Variants in WDR33 observed in about 807,000 individuals in gnomAD.
WDR33 encodes the protein WD repeat domain 33.
A neutral mutation model predicts 164.9 loss-of-function variants in WDR33; 47 were observed. The observed-to-expected ratio is 0.29, with a 90% CI of 0.23 to 0.36. The LOEUF (loss-of-function observed/expected upper bound fraction) is 0.36. Ranked by LOEUF, WDR33 falls within the 10% of genes least tolerant of loss-of-function variation. The pLI, the probability that WDR33 is intolerant of heterozygous loss-of-function variation, is 1.00. For missense variants in WDR33, 1,137 were observed against 1,754.1 expected (o/e 0.65, Z 6.28); for synonymous variants, 505 against 589.0 (o/e 0.86, Z 2.06).
At position 127,722,936 on chromosome 2, in the gene WDR33, G is replaced by A. The variant is rs766022453; in HGVS notation, c.1378+22C>T. On this transcript the variant is annotated intron_variant, in intron 13 of 21. Coordinates refer to ENST00000322313, the MANE Select transcript of WDR33 (RefSeq NM_018383.5). This position sits in a 1 kb window ranked among gnomAD's most constrained non-coding sequence, Gnocchi z 5.1. ...AAGAAAAAATTTGTAAAAATTAAATGTGTCTGTGTAACTTCTCTTACCCAT... is the reference window on the plus strand; with the variant it reads ...AAGAAAAAATTTGTAAAAATTAAATATGTCTGTGTAACTTCTCTTACCCAT... 6.3e-7 allele frequency: 1 copy of A among 1,580,142 alleles called. No individual in the cohort carries two copies. The highest frequency in any genetic ancestry group is 8.6e-7 in the Non-Finnish European group (1 of 1,167,526).
Position 127,769,005 on chromosome 2 carries a change from T to TAAAA in WDR33, c.205-5_205-4insTTTT. ...GGTCTCTTTGCCATATTCTGTTCTGTTAAATAAATAAATAAATAAATAAAT... is the reference window on the plus strand; with the variant it reads ...GGTCTCTTTGCCATATTCTGTTCTGTAAAATAAATAAATAAATAAATAAATAAAT... On this transcript the variant is annotated splice_region_variant and splice_polypyrimidine_tract_variant and intron_variant, in intron 2 of 21. Transcript: ENST00000322313. 1.1e-6 allele frequency: 1 copy of TAAAA among 911,376 alleles called. No individual in the cohort carries two copies. The highest frequency in any genetic ancestry group is 2.4e-5 in the South Asian group (1 of 41,180). 56.5% of individuals were successfully genotyped at this position (911,376 alleles called of 1,614,324 possible).
chr2:127,707,890 G>T (rs1239720229), intron 21 of WDR33, among the ~76,000 whole-genome samples: 2 of 152,134 alleles, frequency 1.3e-5, no homozygotes, highest in African/African-American at 4.8e-5. Flanking sequence ...GGGAGGCGGG[G>T]GTTGCTTGCA....
chr2:127,796,030 AT>A (rs1276460051), intron 1 of WDR33, among the ~76,000 whole-genome samples: 1 of 151,844 alleles, frequency 6.6e-6, no homozygotes, highest in Non-Finnish European at 1.5e-5. Flanking sequence ...ACCTAGGTAA[AT>A]TAGGTAAATA....
intron 7 of WDR33, among the ~76,000 whole-genome samples, chr2:127,750,033 G>T (rs1199352795): frequency 4.0e-5 from 6 of 151,592 alleles, no homozygotes; most frequent in Non-Finnish European, 8.8e-5. Context: ...AGGCATTTGT[G>T]GGGAGGGAGG....
chr2:127,747,999 C>T (rs1254577434), intron 7 of WDR33, among the ~76,000 whole-genome samples: 1 of 152,186 alleles, frequency 6.6e-6, no homozygotes, highest in Non-Finnish European at 1.5e-5. Context: ...TGAGAAAAAA[C>T]TAGGTCACTG....
At chr2:127,760,258 T>A (rs777376906) in intron 7 of WDR33, among the ~76,000 whole-genome samples, 13 of 152,226 alleles carry the variant, frequency 8.5e-5, no homozygotes, top group Non-Finnish European at 1.6e-4. Flanking sequence ...AATAGAATTA[T>A]TTTGGATTTT....
In WDR33 at chr2:127,730,443, T is replaced by C. The variant is rs192909698; in HGVS notation, c.725-3666A>G. Among the ~76,000 whole-genome samples the C allele has an allele frequency of 2.8e-4, 42 of 151,390 alleles. No individual in the cohort carries two copies. In the East Asian group the frequency reaches 7.7e-3, roughly 28 times the overall value. On this transcript the variant is annotated intron_variant, in intron 7 of 21. Coordinates refer to ENST00000322313, the MANE Select transcript of WDR33 (RefSeq NM_018383.5). ...GAGGAATAAGACCAGAAGAAATTCA[T>C]CCTAATAATTTAAGTGGATTAAAAA...
At chr2:127,711,780 A>ATATATATATATATATATTTT in intron 18 of WDR33, among the ~76,000 whole-genome samples, 2 of 88,308 alleles carry the variant, frequency 2.3e-5, no homozygotes, top group African/African-American at 6.5e-5. Context: ...ATATATATAT[A>ATATATATATATATATATTTT]TTTTTTTTTT....
chr2:127,741,183 G>T lies in WDR33; in HGVS notation c.725-14406C>A, dbSNP rs901906462. Among the ~76,000 whole-genome samples the T allele has an allele frequency of 1.3e-5, 2 of 152,160 alleles. No homozygotes were observed. Among genetic ancestry groups the T allele is most frequent in the African/African-American group, 2.4e-5 (1 of 41,416 alleles). On this transcript the variant is annotated intron_variant, in intron 7 of 21. Coordinates refer to ENST00000322313, the MANE Select transcript of WDR33 (RefSeq NM_018383.5). The surrounding 1 kb of genome is among the most constrained non-coding windows in gnomAD (Gnocchi z 4.1). ...ATACAAAGCACATTTGTTACAAAAA[G>T]CACATTTCAGTCTGGGAAGAAACCC...
chr2:127,763,838 C>T lies in WDR33; in HGVS notation c.627-679G>A. 2 of 985,602 alleles carry T rather than the reference C, an allele frequency of 2.0e-6. No homozygotes were observed. Among genetic ancestry groups the T allele is most frequent in the Non-Finnish European group, 2.4e-6 (2 of 830,076 alleles). 61.1% of individuals were successfully genotyped at this position (985,602 alleles called of 1,614,324 possible). On this transcript the variant is annotated intron_variant, in intron 6 of 21. Transcript: ENST00000322313. This position sits in a 1 kb window ranked among gnomAD's most constrained non-coding sequence, Gnocchi z 4.5. ...AAAGATCATCAAGTTTCTCAACTAA[C>T]TCTAAAAACTCCCTTGAACTTTGGA...
rs888867236 is a variant in WDR33 at position 127,708,317 on chromosome 2, G to A, written c.3781+360C>T. On this transcript the variant is annotated intron_variant, in intron 21 of 21. Coordinates refer to ENST00000322313, the MANE Select transcript of WDR33 (RefSeq NM_018383.5). This position sits in a 1 kb window ranked among gnomAD's most constrained non-coding sequence, Gnocchi z 6.7. ...GCTAAAAAAACCAACAGACCACCCA[G>A]GAGAGGACAACTCTTCCCCTCCCAC... Among the ~76,000 whole-genome samples the A allele has an allele frequency of 6.6e-6, 1 of 152,200 alleles. No individual in the cohort carries two copies. Among genetic ancestry groups the A allele is most frequent in the African/African-American group, 2.4e-5 (1 of 41,442 alleles).
At chr2:127,758,679 T>A (rs1253553417) in intron 7 of WDR33, among the ~76,000 whole-genome samples, 1 of 152,162 alleles carries the variant, frequency 6.6e-6, no homozygotes, top group South Asian at 2.1e-4. Flanking sequence ...AAATATGATG[T>A]CTCTCAGTAA....
chr2:127,798,035 T>C (rs1177133942), intron 1 of WDR33, among the ~76,000 whole-genome samples: 1 of 151,908 alleles, frequency 6.6e-6, no homozygotes, highest in African/African-American at 2.4e-5. Context: ...AGAAAGCAGG[T>C]AGGAAATTTC....
At position 127,702,933 on chromosome 2, in the gene WDR33, C is replaced by T. The variant is rs781515873; in HGVS notation, c.*3390G>A. On this transcript the variant is annotated 3_prime_UTR_variant, in exon 22 of 22. Coordinates refer to ENST00000322313, the MANE Select transcript of WDR33 (RefSeq NM_018383.5). The stretch of plus-strand genomic sequence containing the variant: ...AATTCTAGATCCGGAATACCTGTAT[C>T]TGGTGGAAACCATGGATTTCTACAA... The T allele has an allele frequency of 1.2e-5, 2 of 167,062 alleles. No individual in the cohort carries two copies. The highest frequency in any genetic ancestry group is 6.5e-5 in the Admixed American group (1 of 15,288). 10.3% of individuals were successfully genotyped at this position (167,062 alleles called of 1,614,324 possible). A position where few individuals can be genotyped will look rare whatever the true frequency, so the allele number is the denominator to read the frequency against.
chr2:127,711,763 T>TAGATATAGATAGATAG (rs1480358329), intron 18 of WDR33, among the ~76,000 whole-genome samples: 5 of 84,648 alleles, frequency 5.9e-5, no homozygotes, highest in African/African-American at 4.6e-4. Context: ...TATATATATA[T>TAGATATAGATAGATAG]ATATATATAT....
intron 1 of WDR33, among the ~76,000 whole-genome samples, chr2:127,800,081 G>C (rs896491402): frequency 6.6e-5 from 10 of 152,160 alleles, no homozygotes; most frequent in African/African-American, 1.9e-4. Flanking sequence ...AAATTAGGTG[G>C]GAAAATAGTC....
intron 1 of WDR33, among the ~76,000 whole-genome samples, chr2:127,781,392 T>C (rs1688363634): frequency 6.6e-6 from 1 of 152,178 alleles, no homozygotes. Flanking sequence ...TTGATTATGG[T>C]GGCGAACACA....
chr2:127,792,899 G>A (rs942350325), intron 1 of WDR33, among the ~76,000 whole-genome samples: 1 of 152,110 alleles, frequency 6.6e-6, no homozygotes, highest in Non-Finnish European at 1.5e-5. Context: ...GAGTACCTGG[G>A]TTGTGATGAA....
intron 1 of WDR33, among the ~76,000 whole-genome samples, chr2:127,798,342 T>C (rs1282914232): frequency 8.6e-6 from 1 of 115,896 alleles, no homozygotes; most frequent in Non-Finnish European, 1.6e-5. Context: ...CACTCCAGCC[T>C]AGGCAACAGG....
Sources: allele counts gnomAD v4.1 joint callset (sites outside exome capture counted in the v4.1 genomes callset), GRCh38; gene constraint gnomAD v4.1.1; non-coding constraint Gnocchi (gnomAD v3.1); transcripts MANE v1.5; gene names NCBI Gene and HGNC (gene_info 2026-07-23, HGNC 2026-07-21).